TLN2: variants seen among roughly 807,000 people sequenced by gnomAD.
The protein encoded by TLN2 is talin 2.
In TLN2, 118 loss-of-function variants were observed where a neutral mutation model predicts 294.7. That is an observed-to-expected ratio of 0.40 (90% CI 0.34 to 0.47). The LOEUF (loss-of-function observed/expected upper bound fraction) is 0.47. Ranked by LOEUF, TLN2 falls within the 20% of genes least tolerant of loss-of-function variation. TLN2 has a pLI of 0.84. For missense variants in TLN2, 3,083 were observed against 3,282.2 expected (o/e 0.94, Z 1.48); for synonymous variants, 1,431 against 1,304.5 (o/e 1.10, Z -2.09).
intron 27 of TLN2, among the ~76,000 whole-genome samples, 175 bp from the exon 28 acceptor site, chr15:62,726,912 G>A (rs28644392): frequency 0.25 from 37,362 of 152,112 alleles, 4,696 homozygotes; most frequent in African/African-American, 0.29. Flanking sequence ...ACCCAGATTT[G>A]TTTGTTCTAA....
At chr15:62,793,516 AC>A (rs1245143944) in intron 46 of TLN2, among the ~76,000 whole-genome samples, 2 of 152,194 alleles carry the variant, frequency 1.3e-5, no homozygotes, top group Non-Finnish European at 2.9e-5. Flanking sequence ...AGTGCCTGGT[AC>A]AGTGCCAGAC....
At chr15:62,682,024 G>A (rs1487085770) in intron 11 of TLN2, among the ~76,000 whole-genome samples, 3 of 152,132 alleles carry the variant, frequency 2.0e-5, no homozygotes, top group South Asian at 2.1e-4. Context: ...CAAAGTGTTG[G>A]GATTGCAGGC....
At chr15:62,592,407 C>T (rs993732603) in intron 2 of TLN2, among the ~76,000 whole-genome samples, 1 of 152,168 alleles carries the variant, frequency 6.6e-6, no homozygotes, top group South Asian at 2.1e-4. Context: ...CGGTTTGCTG[C>T]CTAATTGGTA....
At chr15:62,679,685 C>T (rs1053242309) in intron 11 of TLN2, among the ~76,000 whole-genome samples, 1 of 152,166 alleles carries the variant, frequency 6.6e-6, no homozygotes, top group Non-Finnish European at 1.5e-5. Context: ...CTAGAACTGA[C>T]TGTGGTTTTA....
chr15:62,797,894 C>T (rs914503223), intron 48 of TLN2, among the ~76,000 whole-genome samples: 6 of 152,230 alleles, frequency 3.9e-5, no homozygotes, highest in East Asian at 3.9e-4. Flanking sequence ...TGCAACCACA[C>T]GAGAGGAAAA....
chr15:62,724,478 G>A (rs1053950677), intron 26 of TLN2, among the ~76,000 whole-genome samples: 1 of 152,134 alleles, frequency 6.6e-6, no homozygotes, highest in Non-Finnish European at 1.5e-5. Context: ...AAATTACTAA[G>A]GGAAAAATAT....
chr15:62,406,281 C>G (rs1171845214), intron 1 of TLN2, among the ~76,000 whole-genome samples: 2 of 152,180 alleles, frequency 1.3e-5, no homozygotes, highest in African/African-American at 2.4e-5. Context: ...TGTAGAAGGG[C>G]ATCTTCTCCC....
At chr15:62,458,117 A>G (rs2036584546) in intron 1 of TLN2, among the ~76,000 whole-genome samples, 1 of 151,980 alleles carries the variant, frequency 6.6e-6, no homozygotes. Context: ...TCAACGGTAG[A>G]GCCTTTATTG....
chr15:62,513,208 G>T (rs2140456134), intron 1 of TLN2, among the ~76,000 whole-genome samples: 1 of 152,240 alleles, frequency 6.6e-6, no homozygotes, highest in East Asian at 1.9e-4. Flanking sequence ...ACATGGTCCA[G>T]CCACAGCCCC....
At chr15:62,420,519 T>G (rs1476214322) in intron 1 of TLN2, among the ~76,000 whole-genome samples, 1 of 152,034 alleles carries the variant, frequency 6.6e-6, no homozygotes, top group Non-Finnish European at 1.5e-5. Flanking sequence ...GCTTCAGCCT[T>G]CCGAGCAGCT....
At chr15:62,594,073 C>T (rs2046290859) in intron 2 of TLN2, among the ~76,000 whole-genome samples, 1 of 152,198 alleles carries the variant, frequency 6.6e-6, no homozygotes, top group Non-Finnish European at 1.5e-5. Context: ...TACTACCTTA[C>T]CTCAAAATAT....
At position 62,748,352 on chromosome 15, in the gene TLN2, G is replaced by A; in HGVS notation, c.4027G>A (p.Ala1343Thr). The A allele has an allele frequency of 6.2e-7, 1 of 1,606,666 alleles. No homozygotes were observed. Among genetic ancestry groups the A allele is most frequent in the Non-Finnish European group, 8.5e-7 (1 of 1,175,582 alleles). The change falls in exon 33 of 59, where the codon GCT (alanine) becomes ACT (threonine). Residue 1343 changes from alanine (A) to threonine (T), a missense_variant and splice_region_variant. Physicochemically the swap from Ala to Thr is moderately conservative, Grantham distance 58. Coordinates refer to ENST00000636159, the MANE Select transcript of TLN2 (RefSeq NM_015059.3). Reference sequence around the variant, plus strand: ...AAAAAAATTCTGTTTCTGTCACAGAGCTGTGACAGAGAGCATCAATCAACT... The same window carrying A: ...AAAAAAATTCTGTTTCTGTCACAGAACTGTGACAGAGAGCATCAATCAACT... Reference protein sequence around the residue: ...AKNLLAAAARAVTESINQLIT... With the variant: ...AKNLLAAAARTVTESINQLIT...
rs55990249 is a variant in TLN2, at chr15:62,458,604, GA to G, written c.-238+67933del. ...AACATGGCAAAACCTCGTCTCTACA[GA>G]AAAAAAAAAAAAATTTAGCTGGGTG... On this transcript the variant is annotated intron_variant, in intron 1 of 58. Transcript: ENST00000636159. 1.0e-3 allele frequency among the ~76,000 whole-genome samples: 131 copies of G among 130,136 alleles called. 1 individual carries two copies. Among genetic ancestry groups the G allele is most frequent in the African/African-American group, 3.3e-3 (113 of 34,144 alleles). 85.4% of individuals were successfully genotyped at this position (130,136 alleles called of 152,430 possible). A position where few individuals can be genotyped will look rare whatever the true frequency, so the allele number is the denominator to read the frequency against.
intron 54 of TLN2, chr15:62,830,896 G>C (rs2068761941): frequency 6.6e-6 from 1 of 152,070 alleles, no homozygotes; most frequent in South Asian, 2.1e-4. Flanking sequence ...AAGAACTTCT[G>C]CCGTATCTGT....
At chr15:62,554,521 G>A (rs751382091) in intron 1 of TLN2, among the ~76,000 whole-genome samples, 6 of 151,842 alleles carry the variant, frequency 4.0e-5, no homozygotes, top group African/African-American at 1.5e-4. Context: ...CAGGAGAATT[G>A]TAGAACTTTG....
At chr15:62,722,939 T>C (rs2060234098) in intron 26 of TLN2, among the ~76,000 whole-genome samples, 1 of 152,242 alleles carries the variant, frequency 6.6e-6, no homozygotes, top group African/African-American at 2.4e-5. Context: ...ATTATCTTTT[T>C]TGCCCTGCAA....
chr15:62,708,632 A>G lies in TLN2; in HGVS notation c.2303A>G (p.Lys768Arg), dbSNP rs749441180. The change falls in exon 21 of 59, where the codon AAG (lysine) becomes AGG (arginine). Residue 768 changes from lysine (K) to arginine (R), a missense_variant. Physicochemically the swap from Lys to Arg is conservative, Grantham distance 26 (BLOSUM62 2). Transcript: ENST00000636159. ...QAATTDSELL[K>R]QVSAAASVVS... ...GCCACTACCGATAGTGAGCTCCTGA[A>G]GCAGGTCAGCGCAGCGGCCAGCGTG... 2 of 1,614,204 alleles carry G rather than the reference A, an allele frequency of 1.2e-6. No individual in the cohort carries two copies. The highest frequency in any genetic ancestry group is 3.3e-5 in the Admixed American group (2 of 60,030).
chr15:62,755,803 T>G, intron 37 of TLN2, 110 bp downstream of exon 37: 1 of 1,365,104 alleles, frequency 7.3e-7, no homozygotes, highest in South Asian at 1.4e-5. Context: ...AAGCTTAACT[T>G]CTAATTCAGT....
intron 1 of TLN2, among the ~76,000 whole-genome samples, chr15:62,495,236 C>T (rs1166076090): frequency 7.9e-5 from 12 of 152,130 alleles, no homozygotes; most frequent in Admixed American, 5.9e-4. Flanking sequence ...CTCCTAGGAC[C>T]TAAGAATAGA....
Sources: gnomAD v4.1 joint callset for allele counts (sites outside exome capture counted in the v4.1 genomes callset) on GRCh38, gnomAD v4.1.1 for gene constraint, MANE v1.5 for transcripts, NCBI Gene and HGNC (gene_info 2026-07-23, HGNC 2026-07-21) for gene names.